ATP8A2: variants seen among roughly 807,000 people sequenced by gnomAD.
ATP8A2 encodes the protein phospholipid-transporting ATPase IB.
A neutral mutation model predicts 165.6 loss-of-function variants in ATP8A2; 100 were observed. The observed-to-expected ratio is 0.60, with a 90% CI of 0.51 to 0.71. The LOEUF is 0.71. ATP8A2 is among the 30% of genes least tolerant of loss of function. The pLI is 0.00. For missense variants in ATP8A2, 1,227 were observed against 1,479.5 expected, an observed-to-expected ratio of 0.83 and a Z score of 2.80; for synonymous variants, 543 against 548.8, an observed-to-expected ratio of 0.99 and a Z score of 0.15.
At chr13:25,849,909 T>C (rs1360236876) in intron 30 of ATP8A2, among the ~76,000 whole-genome samples, 1 of 152,234 alleles carries the variant, frequency 6.6e-6, no homozygotes, top group African/African-American at 2.4e-5. Flanking sequence ...GCATCATCAT[T>C]ATATTAGGTT....
chr13:25,721,809 A>G (rs1259477776), intron 25 of ATP8A2, among the ~76,000 whole-genome samples: 2 of 152,220 alleles, frequency 1.3e-5, no homozygotes, highest in East Asian at 3.9e-4. Context: ...ATTCCATTGT[A>G]TGGATATACC....
chr13:25,437,613 G>A (rs575535012), intron 1 of ATP8A2, among the ~76,000 whole-genome samples: 6 of 152,132 alleles, frequency 3.9e-5, no homozygotes, highest in African/African-American at 7.2e-5. Flanking sequence ...AAGCTTTTCC[G>A]TGTATTGCTG....
chr13:25,789,737 T>C (rs2045119132), intron 27 of ATP8A2, among the ~76,000 whole-genome samples: 1 of 152,142 alleles, frequency 6.6e-6, no homozygotes, highest in African/African-American at 2.4e-5. Flanking sequence ...TTAAAATTCA[T>C]ATGAAACAAA....
chr13:25,849,506 T>G (rs780205837), intron 30 of ATP8A2, among the ~76,000 whole-genome samples: 2 of 152,234 alleles, frequency 1.3e-5, no homozygotes, highest in South Asian at 4.1e-4. Context: ...ATAAGTTCCT[T>G]GATCATTTTG....
At chr13:25,591,233 A>C (rs750492467) in intron 24 of ATP8A2, 4 of 456,210 alleles carry the variant, frequency 8.8e-6, no homozygotes, top group Non-Finnish European at 1.8e-5. Flanking sequence ...TTGTGTAACC[A>C]TCACCACTAT....
intron 27 of ATP8A2, among the ~76,000 whole-genome samples, chr13:25,812,996 G>A (rs569408626): frequency 2.6e-4 from 39 of 152,110 alleles, no homozygotes; most frequent in South Asian, 8.3e-4. Flanking sequence ...ACCAAACACC[G>A]CATGGGGAGC....
intron 2 of ATP8A2, among the ~76,000 whole-genome samples, chr13:25,520,943 C>T (rs937228682): frequency 6.6e-6 from 1 of 152,150 alleles, no homozygotes; most frequent in African/African-American, 2.4e-5. Flanking sequence ...AACCTCCATG[C>T]TGTTTTCTAT....
chr13:25,907,328 G>T (rs989206871), intron 33 of ATP8A2, among the ~76,000 whole-genome samples: 1 of 152,046 alleles, frequency 6.6e-6, no homozygotes. Flanking sequence ...CTCCAGCCTG[G>T]CAGGAGAGCG....
chr13:25,919,923 A>G (rs1418411479), intron 33 of ATP8A2, among the ~76,000 whole-genome samples: 3 of 152,014 alleles, frequency 2.0e-5, no homozygotes, highest in Non-Finnish European at 4.4e-5. Flanking sequence ...AGTAGCTGGG[A>G]CCACAGACAT....
At chr13:25,654,948 G>C (rs2041894766) in intron 24 of ATP8A2, among the ~76,000 whole-genome samples, 1 of 152,290 alleles carries the variant, frequency 6.6e-6, no homozygotes. Context: ...CTCATCCAGG[G>C]TTATGTTAAC....
At chr13:25,740,517 G>A (rs528484709) in intron 25 of ATP8A2, among the ~76,000 whole-genome samples, 35 of 152,240 alleles carry the variant, frequency 2.3e-4, no homozygotes, top group African/African-American at 7.9e-4. Flanking sequence ...ATGTAGCAGG[G>A]TAAGTGGAAA....
chr13:25,741,833 G>A (rs2043919661), intron 25 of ATP8A2, among the ~76,000 whole-genome samples: 1 of 152,218 alleles, frequency 6.6e-6, no homozygotes, highest in African/African-American at 2.4e-5. Flanking sequence ...GCCCCTTTTA[G>A]ATGCATGAGC....
intron 28 of ATP8A2, among the ~76,000 whole-genome samples, chr13:25,836,047 G>C (rs1301054229): frequency 1.3e-5 from 2 of 152,196 alleles, no homozygotes; most frequent in Non-Finnish European, 2.9e-5. Context: ...AAAGTGATTG[G>C]TTGTTTCAAA....
chr13:25,767,855 A>G (rs1352603465), intron 25 of ATP8A2, among the ~76,000 whole-genome samples: 1 of 152,048 alleles, frequency 6.6e-6, no homozygotes, highest in Non-Finnish European at 1.5e-5. Flanking sequence ...TTCTTTCTCA[A>G]GTTGGTAGAA....
chr13:25,895,679 G>A (rs1353108953), intron 33 of ATP8A2, among the ~76,000 whole-genome samples: 1 of 152,008 alleles, frequency 6.6e-6, no homozygotes, highest in Non-Finnish European at 1.5e-5. Flanking sequence ...TTTTTTGGTT[G>A]GTAAGCTATT....
chr13:25,884,704 T>C (rs936811346), intron 33 of ATP8A2, among the ~76,000 whole-genome samples: 1 of 152,180 alleles, frequency 6.6e-6, no homozygotes, highest in Non-Finnish European at 1.5e-5. Context: ...CCTGAGACTC[T>C]CCTAAGCATG....
chr13:25,505,007 T>C (rs181220257), intron 2 of ATP8A2, among the ~76,000 whole-genome samples: 57 of 152,258 alleles, frequency 3.7e-4, no homozygotes, highest in African/African-American at 9.9e-4. Context: ...GTTGGGGAAA[T>C]TACTGCTCTT....
intron 27 of ATP8A2, among the ~76,000 whole-genome samples, chr13:25,792,316 T>C (rs1003317463): frequency 2.0e-5 from 3 of 152,202 alleles, no homozygotes; most frequent in Non-Finnish European, 2.9e-5. Flanking sequence ...GCAGGTTTTG[T>C]CATCCATATG....
chr13:25,579,712 A>G (rs1036353915), intron 21 of ATP8A2, 96 bp from the exon 22 acceptor site: 4 of 1,442,360 alleles, frequency 2.8e-6, no homozygotes, highest in Admixed American at 1.8e-5. Context: ...AGTCTCTTCA[A>G]TTTTTTTGGG....
Sources: allele counts gnomAD v4.1 joint callset (sites outside exome capture counted in the v4.1 genomes callset), GRCh38; gene constraint gnomAD v4.1.1; transcripts MANE v1.5; gene names NCBI Gene and HGNC (gene_info 2026-07-23, HGNC 2026-07-21).